Variants in MYRFL observed in about 807,000 individuals in gnomAD.
The protein encoded by MYRFL is myelin regulatory factor-like protein.
A neutral mutation model predicts 109.4 loss-of-function variants in MYRFL; 88 were observed. The ratio of observed to expected loss-of-function variants is 0.80; its 90% CI spans 0.68 to 0.96. The LOEUF (loss-of-function observed/expected upper bound fraction) is 0.96, where lower values mean the gene tolerates loss of function less well. Ranked by LOEUF, MYRFL falls within the 40% of genes least tolerant of loss-of-function variation. The probability of loss-of-function intolerance (pLI) is 0.00; values close to 1 mark genes in which losing one functional copy is unlikely to be tolerated. For missense variants in MYRFL, 957 were observed against 954.9 expected, an observed-to-expected ratio of 1.00 and a Z score of -0.03; for synonymous variants, 324 against 320.9, an observed-to-expected ratio of 1.01 and a Z score of -0.10.
At chr12:69,897,374 AT>A (rs1436984790) in intron 10 of MYRFL, 128 bp downstream of exon 10, 2 of 763,402 alleles carry the variant, frequency 2.6e-6, no homozygotes, top group East Asian at 2.7e-5. Flanking sequence ...AGAAACTATT[AT>A]TTTAGTTTTC....
chr12:69,939,943 G>A (rs1356023376), intron 19 of MYRFL, among the ~76,000 whole-genome samples: 2 of 152,194 alleles, frequency 1.3e-5, no homozygotes, highest in Non-Finnish European at 2.9e-5. Context: ...AAGGGTATCA[G>A]CAATGGAAGA....
Position 69,895,365 on chromosome 12 carries a change from T to A in MYRFL, c.981-6T>A. On this transcript the variant is annotated splice_region_variant and splice_polypyrimidine_tract_variant and intron_variant, in intron 8 of 24. Transcript: ENST00000552032. The stretch of plus-strand genomic sequence containing the variant: ...CTTGGTTTTTTTTTTTTGCTGTTTG[T>A]TTTAGAATTGACCTACTGGCTGACC... 6.5e-7 allele frequency: 1 copy of A among 1,529,518 alleles called. No individual in the cohort carries two copies. The highest frequency in any genetic ancestry group is 8.8e-7 in the Non-Finnish European group (1 of 1,142,616). 94.7% of individuals were successfully genotyped at this position (1,529,518 alleles called of 1,614,324 possible).
intron 2 of MYRFL, among the ~76,000 whole-genome samples, chr12:69,856,428 G>T (rs1884287876): frequency 6.6e-6 from 1 of 152,062 alleles, no homozygotes; most frequent in Non-Finnish European, 1.5e-5. Flanking sequence ...CTTAGGATAA[G>T]AACTGCTGGA....
chr12:69,916,560 A>G (rs529303334), intron 13 of MYRFL, among the ~76,000 whole-genome samples: 4 of 152,242 alleles, frequency 2.6e-5, no homozygotes, highest in African/African-American at 9.6e-5. Context: ...CTCCCACACT[A>G]TTATAATGAT....
At chr12:69,917,902 TG>T (rs1954796288) in intron 13 of MYRFL, among the ~76,000 whole-genome samples, 1 of 111,684 alleles carries the variant, frequency 9.0e-6, no homozygotes, top group Non-Finnish European at 1.9e-5. Context: ...AACATTTAGA[TG>T]AAAAAAAAAA....
rs984634578 is a variant in MYRFL at position 69,903,805 on chromosome 12, G to A, written c.1344G>A (p.Met448Ile). 3.1e-5 allele frequency: 48 copies of A among 1,535,186 alleles called. No homozygotes were observed. In the Admixed American group the frequency reaches 9.4e-4, roughly 30 times the overall value. Reference protein sequence around the residue: ...CGNMKVMGTIMHPSDSRAKQN... With the variant: ...CGNMKVMGTIIHPSDSRAKQN... ...ACATGAAAGTGATGGGGACCATCAT[G>A]CATCCCTCTGACAGCCGGGCAAAGC... is the stretch of plus-strand genomic sequence containing the variant. The change falls in exon 11 of 25, where the codon ATG (methionine) becomes ATA (isoleucine). Residue 448 changes from methionine to isoleucine, a missense_variant. By Grantham distance (10) the Met-to-Ile change is conservative. Transcript: ENST00000552032.
chr12:69,890,479 C>G (rs1359174868), intron 6 of MYRFL, among the ~76,000 whole-genome samples: 2 of 152,182 alleles, frequency 1.3e-5, no homozygotes, highest in African/African-American at 2.4e-5. Flanking sequence ...CACCTGTAAT[C>G]CTAGCACTTT....
chr12:69,906,628 C>T (rs1954372620), intron 11 of MYRFL, among the ~76,000 whole-genome samples: 1 of 152,186 alleles, frequency 6.6e-6, no homozygotes, highest in South Asian at 2.1e-4. Flanking sequence ...AACCACAATA[C>T]CCGTGTGCTA....
chr12:69,889,592 C>T (rs371031936), intron 6 of MYRFL, among the ~76,000 whole-genome samples: 34 of 152,282 alleles, frequency 2.2e-4, no homozygotes, highest in Admixed American at 1.5e-3. Context: ...CAGTGGCTCA[C>T]GCCTGTAATC....
At chr12:69,944,088 A>T (rs948731076) in intron 19 of MYRFL, among the ~76,000 whole-genome samples, 1 of 150,928 alleles carries the variant, frequency 6.6e-6, no homozygotes, top group Non-Finnish European at 1.5e-5. Context: ...TGTTGGTGGG[A>T]CTGTAAACTA....
At chr12:69,876,585 G>T (rs1360240029) in intron 2 of MYRFL, among the ~76,000 whole-genome samples, 2 of 151,978 alleles carry the variant, frequency 1.3e-5, no homozygotes, top group African/African-American at 2.4e-5. Flanking sequence ...GTCCTTTATT[G>T]TTTGTTCGTG....
chr12:69,950,435 G>T (rs1364659939), intron 19 of MYRFL, among the ~76,000 whole-genome samples: 2 of 152,074 alleles, frequency 1.3e-5, no homozygotes, highest in African/African-American at 4.8e-5. Flanking sequence ...TTTCTCCTGG[G>T]ATCTCCAGGA....
chr12:69,854,311 G>T (rs1216379030), intron 1 of MYRFL, among the ~76,000 whole-genome samples: 1 of 151,194 alleles, frequency 6.6e-6, no homozygotes, highest in Non-Finnish European at 1.5e-5. Flanking sequence ...TCCAGCCTCG[G>T]CTGGGCATCA....
At chr12:69,928,732 G>C (rs926998006) in intron 15 of MYRFL, among the ~76,000 whole-genome samples, 2 of 152,200 alleles carry the variant, frequency 1.3e-5, no homozygotes, top group Non-Finnish European at 2.9e-5. Flanking sequence ...TACAAAGATT[G>C]TTGATGGGAT....
intron 2 of MYRFL, among the ~76,000 whole-genome samples, chr12:69,872,832 A>G (rs1885433696): frequency 6.6e-6 from 1 of 151,672 alleles, no homozygotes; most frequent in South Asian, 2.1e-4. Context: ...GGGTCTCACT[A>G]TGTTGCTGAA....
intron 21 of MYRFL, among the ~76,000 whole-genome samples, chr12:69,953,350 C>A (rs957204206): frequency 1.1e-4 from 16 of 152,072 alleles, no homozygotes; most frequent in African/African-American, 3.1e-4. Flanking sequence ...TCAGATATGG[C>A]AAAAGTTATC....
intron 21 of MYRFL, among the ~76,000 whole-genome samples, chr12:69,953,360 C>T (rs370630848): frequency 6.6e-5 from 10 of 152,268 alleles, no homozygotes; most frequent in East Asian, 1.9e-4. Flanking sequence ...CAAAAGTTAT[C>T]GGGACATCCA....
At chr12:69,936,078 G>GTTTTTTTTTTTTTTTTTTT in intron 16 of MYRFL, 35 bp from the exon 17 acceptor site, 11 of 891,622 alleles carry the variant, frequency 1.2e-5, no homozygotes, top group Admixed American at 1.0e-4. Flanking sequence ...GCCACATAAT[G>GTTTTTTTTTTTTTTTTTTT]TTTTTTTTTT....
At chr12:69,826,542 A>G (rs923332750) in intron 1 of MYRFL, among the ~76,000 whole-genome samples, 1 of 152,108 alleles carries the variant, frequency 6.6e-6, no homozygotes, top group Non-Finnish European at 1.5e-5. Context: ...GAAGACCTGA[A>G]TATCGAATTT....
Sources: gnomAD v4.1 joint callset for allele counts (sites outside exome capture counted in the v4.1 genomes callset) on GRCh38, gnomAD v4.1.1 for gene constraint, MANE v1.5 for transcripts, NCBI Gene and HGNC (gene_info 2026-07-23, HGNC 2026-07-21) for gene names.